TRDN: variants seen among roughly 807,000 people sequenced by gnomAD.
The protein encoded by TRDN is triadin.
A neutral mutation model predicts 149.7 loss-of-function variants in TRDN; 161 were observed. The observed-to-expected ratio is 1.08, with a 90% CI of 0.95 to 1.23. TRDN has a LOEUF of 1.23. TRDN is among the 50% of genes most tolerant of loss of function. The probability of loss-of-function intolerance (pLI) is 0.00; values close to 1 mark genes in which losing one functional copy is unlikely to be tolerated. For synonymous variants in TRDN, 294 were observed against 250.5 expected (o/e 1.17, Z -1.64); for missense variants, 896 against 823.5 (o/e 1.09, Z -1.08).
chr6:123,435,657 A>G (rs1227583941), intron 12 of TRDN, among the ~76,000 whole-genome samples: 2 of 152,276 alleles, frequency 1.3e-5, no homozygotes, highest in East Asian at 1.9e-4. Flanking sequence ...GGAAAAATCA[A>G]TGGAATTTTG....
chr6:123,403,843 A>C (rs1389581263), intron 12 of TRDN, among the ~76,000 whole-genome samples: 1 of 152,160 alleles, frequency 6.6e-6, no homozygotes, highest in African/African-American at 2.4e-5. Context: ...AGAAAAGAGG[A>C]ATTGAAAAAA....
intron 1 of TRDN, among the ~76,000 whole-genome samples, chr6:123,630,486 C>T (rs1156868996): frequency 1.3e-5 from 2 of 151,934 alleles, no homozygotes; most frequent in Non-Finnish European, 2.9e-5. Context: ...CCTTAAGTCT[C>T]TATGGATTCC....
rs144176024 is a variant in TRDN, at chr6:123,374,084, G to A, written c.1273+1521C>T. Among the ~76,000 whole-genome samples, 1,088 of 152,140 alleles carry A rather than the reference G, an allele frequency of 7.2e-3. 4 individuals are homozygous for A. The highest frequency in any genetic ancestry group is 0.015 in the Admixed American group (225 of 15,272). ...TTAATTTTTGTGTTGAAGGATAATG[G>A]CCATGTCAAGTGCAAATCTCTCAAC... On this transcript the variant is annotated intron_variant, in intron 19 of 40. Coordinates refer to ENST00000334268, the MANE Select transcript of TRDN (RefSeq NM_006073.4).
chr6:123,502,910 A>T, intron 8 of TRDN: 1 of 985,336 alleles, frequency 1.0e-6, no homozygotes, highest in Non-Finnish European at 1.2e-6. Flanking sequence ...GAATGGACTT[A>T]GGAAAAGAAA....
At chr6:123,503,407 T>C in intron 8 of TRDN, 2 of 985,350 alleles carry the variant, frequency 2.0e-6, no homozygotes, top group Non-Finnish European at 2.4e-6. Context: ...ATTCCACCTC[T>C]TAATAGACAT....
chr6:123,594,206 T>G (rs1187060289), intron 1 of TRDN, among the ~76,000 whole-genome samples: 1 of 152,176 alleles, frequency 6.6e-6, no homozygotes, highest in East Asian at 1.9e-4. Flanking sequence ...ATGCAGCTAT[T>G]TGTCCAAATT....
chr6:123,449,167 A>G (rs1775609635), intron 10 of TRDN, among the ~76,000 whole-genome samples: 1 of 152,184 alleles, frequency 6.6e-6, no homozygotes, highest in Non-Finnish European at 1.5e-5. Flanking sequence ...AAGGCTTCTC[A>G]GCACACCCCA....
chr6:123,548,623 T>C lies in TRDN; in HGVS notation c.233-11A>G, dbSNP rs1781234832. 1.2e-5 allele frequency: 15 copies of C among 1,264,678 alleles called. No homozygotes were observed. The highest frequency in any genetic ancestry group is 1.5e-5 in the Non-Finnish European group (15 of 1,011,470). The allele number at this position is 1,264,678 out of a possible 1,614,324, so 78.3% of individuals were successfully genotyped here. A position where few individuals can be genotyped will look rare whatever the true frequency, so the allele number is the denominator to read the frequency against. On this transcript the variant is annotated splice_polypyrimidine_tract_variant and intron_variant, in intron 2 of 40. Coordinates refer to ENST00000334268, the MANE Select transcript of TRDN (RefSeq NM_006073.4). ...TGGCAATAGAGCTTGCTAAAAGTAA[T>C]TAAAAAAAAAAAAAAAGAAAAAGTT...
At chr6:123,230,992 A>C (rs1449884930) in intron 38 of TRDN, among the ~76,000 whole-genome samples, 1 of 151,968 alleles carries the variant, frequency 6.6e-6, no homozygotes, top group Non-Finnish European at 1.5e-5. Flanking sequence ...TATGGGGAAA[A>C]TATCTGATTT....
chr6:123,335,705 A>G (rs62418961), intron 22 of TRDN, among the ~76,000 whole-genome samples: 12,492 of 151,878 alleles, frequency 0.082, 717 homozygotes, highest in South Asian at 0.2. Context: ...TTAAGCCCCA[A>G]CCTTTCTTTT....
At chr6:123,601,733 A>C (rs1165169074) in intron 1 of TRDN, among the ~76,000 whole-genome samples, 1 of 152,072 alleles carries the variant, frequency 6.6e-6, no homozygotes, top group Non-Finnish European at 1.5e-5. Context: ...GGGGAACTCT[A>C]AGCTGGCAGG....
At chr6:123,624,296 C>T (rs983496685) in intron 1 of TRDN, among the ~76,000 whole-genome samples, 5 of 152,084 alleles carry the variant, frequency 3.3e-5, no homozygotes, top group African/African-American at 7.2e-5. Context: ...ACCCATACCA[C>T]GATAGTATAG....
At chr6:123,588,445 C>A (rs1488902224) in intron 1 of TRDN, among the ~76,000 whole-genome samples, 1 of 152,102 alleles carries the variant, frequency 6.6e-6, no homozygotes, top group African/African-American at 2.4e-5. Context: ...CCCATCATGG[C>A]CTGAACTAGT....
At chr6:123,266,243 TATA>T (rs1462143606) in intron 32 of TRDN, among the ~76,000 whole-genome samples, 1 of 31,026 alleles carries the variant, frequency 3.2e-5, no homozygotes, top group Non-Finnish European at 6.7e-5. Flanking sequence ...TTATATATAT[TATA>T]ATATATATTA....
chr6:123,344,439 C>T (rs1780179504), intron 21 of TRDN, among the ~76,000 whole-genome samples: 1 of 151,990 alleles, frequency 6.6e-6, no homozygotes. Context: ...TCACCCTTCT[C>T]TCCTCCCCAA....
intron 5 of TRDN, among the ~76,000 whole-genome samples, chr6:123,523,374 T>C (rs1779782915): frequency 6.6e-6 from 1 of 152,086 alleles, no homozygotes; most frequent in Non-Finnish European, 1.5e-5. Flanking sequence ...AGGAGGAGGC[T>C]GTATCTGTGA....
At chr6:123,501,934 GTTT>G (rs1424760584) in intron 8 of TRDN, 74 of 984,780 alleles carry the variant, frequency 7.5e-5, no homozygotes, top group Non-Finnish European at 8.8e-5. Flanking sequence ...CCGGTGATGA[GTTT>G]TTATCAATAA....
chr6:123,288,169 C>A (rs187647210), intron 24 of TRDN, among the ~76,000 whole-genome samples: 157 of 152,022 alleles, frequency 1.0e-3, no homozygotes, highest in African/African-American at 3.5e-3. Flanking sequence ...TAAACAGTGC[C>A]AGGAAAACTG....
intron 12 of TRDN, among the ~76,000 whole-genome samples, chr6:123,424,775 T>A (rs1339170969): frequency 6.6e-6 from 1 of 152,150 alleles, no homozygotes; most frequent in East Asian, 1.9e-4. Flanking sequence ...AATAGCCTTT[T>A]ACACCTTTGT....
Sources: gnomAD v4.1 joint callset for allele counts (sites outside exome capture counted in the v4.1 genomes callset) on GRCh38, gnomAD v4.1.1 for gene constraint, MANE v1.5 for transcripts, NCBI Gene and HGNC (gene_info 2026-07-23, HGNC 2026-07-21) for gene names.